The following TRIO variants were observed in gnomAD, a reference collection of about 807,000 sequenced individuals.
TRIO encodes the protein triple functional domain protein.
A neutral mutation model predicts 351.9 loss-of-function variants in TRIO; 58 were observed. The observed-to-expected ratio is 0.16, with a 90% CI of 0.13 to 0.21. The LOEUF is 0.21. Ranked by LOEUF, TRIO falls within the 10% of genes least tolerant of loss-of-function variation. The pLI is 1.00. For missense variants in TRIO, 3,201 were observed against 4,027.8 expected (o/e 0.79, Z 5.56); for synonymous variants, 1,758 against 1,595.7 (o/e 1.10, Z -2.42).
At position 14,461,139 on chromosome 5, in the gene TRIO, A is replaced by G. The variant is rs1387254331; in HGVS notation, c.5324A>G (p.Lys1775Arg). ...GPKRPGNTLR[K>R]WLTSPVRRLS... Reference sequence around the variant, plus strand: ...AAGCGGCCGGGCAACACCCTGCGCAAGTGGCTCACCAGCCCCGTGCGGCGG... The same window carrying G: ...AAGCGGCCGGGCAACACCCTGCGCAGGTGGCTCACCAGCCCCGTGCGGCGG... Residue 1775 changes from lysine (K) to arginine (R), a missense_variant, in exon 35 of 57, where the codon AAG (lysine) becomes AGG (arginine). Coordinates refer to ENST00000344204, the MANE Select transcript of TRIO (RefSeq NM_007118.4). 5.8e-6 allele frequency: 9 copies of G among 1,556,396 alleles called. No individual in the cohort carries two copies. The highest frequency in any genetic ancestry group is 7.0e-6 in the Non-Finnish European group (8 of 1,150,840).
intron 11 of TRIO, among the ~76,000 whole-genome samples, chr5:14,350,829 G>A (rs1031876609): frequency 1.3e-5 from 2 of 152,056 alleles, no homozygotes; most frequent in East Asian, 1.9e-4. Flanking sequence ...CCCAGGGACC[G>A]GTTTTGTGGA....
At chr5:14,326,412 C>G (rs533505824) in intron 9 of TRIO, among the ~76,000 whole-genome samples, 1 of 152,348 alleles carries the variant, frequency 6.6e-6, no homozygotes, top group East Asian at 1.9e-4. Context: ...GTAGCTGTTT[C>G]AAGTGTGCAC....
intron 34 of TRIO, among the ~76,000 whole-genome samples, chr5:14,426,121 C>T (rs1361212715): frequency 6.6e-6 from 1 of 152,134 alleles, no homozygotes; most frequent in East Asian, 1.9e-4. Flanking sequence ...ATAAATGTTA[C>T]CATACTCTCT....
At chr5:14,289,861 T>A (rs973075081) in intron 4 of TRIO, among the ~76,000 whole-genome samples, 23 of 151,902 alleles carry the variant, frequency 1.5e-4, no homozygotes, top group Middle Eastern at 3.4e-3. Context: ...AAAAAAATAA[T>A]AATAATAAAT....
intron 1 of TRIO, among the ~76,000 whole-genome samples, chr5:14,204,261 G>T (rs769401300): frequency 6.6e-6 from 1 of 152,120 alleles, no homozygotes; most frequent in Non-Finnish European, 1.5e-5. Context: ...TCTTTTTACC[G>T]CAGAGGTAAT....
chr5:14,372,130 C>G (rs1745164528), intron 18 of TRIO, among the ~76,000 whole-genome samples: 1 of 151,380 alleles, frequency 6.6e-6, no homozygotes, highest in Non-Finnish European at 1.5e-5. Context: ...GTAATTACAT[C>G]CTGTGGGGTC....
intron 1 of TRIO, among the ~76,000 whole-genome samples, chr5:14,248,080 A>AG (rs1794540622): frequency 1.3e-5 from 2 of 151,662 alleles, no homozygotes; most frequent in East Asian, 1.9e-4. Flanking sequence ...AAAAAAAAAA[A>AG]AGAAAATATA....
intron 56 of TRIO, 87 bp from the exon 57 acceptor site, chr5:14,507,793 T>TC (rs1297749697): frequency 1.3e-6 from 2 of 1,488,364 alleles, no homozygotes; most frequent in African/African-American, 2.8e-5. Context: ...CTAGATTCCT[T>TC]CCACCTCACC....
In TRIO at chr5:14,350,770, C is replaced by T. The variant is rs141543802; in HGVS notation, c.2047-7408C>T. On this transcript the variant is annotated intron_variant, in intron 11 of 56. Transcript: ENST00000344204. ...TGCCCTCTGTTCCTCCCCACCTCCA[C>T]CCCATACATCCTTCATAAATTTTCT... Among the ~76,000 whole-genome samples the T allele has an allele frequency of 9.8e-5, 15 of 152,292 alleles. No homozygotes were observed. In the East Asian group the frequency reaches 2.9e-3, roughly 29 times the overall value.
At chr5:14,347,484 A>G (rs1460030606) in intron 11 of TRIO, among the ~76,000 whole-genome samples, 1 of 152,268 alleles carries the variant, frequency 6.6e-6, no homozygotes, top group Non-Finnish European at 1.5e-5. Flanking sequence ...AACTGACTCC[A>G]CGTAACCTAT....
chr5:14,453,930 A>G (rs1191405976), intron 34 of TRIO, among the ~76,000 whole-genome samples: 1 of 152,072 alleles, frequency 6.6e-6, no homozygotes, highest in African/African-American at 2.4e-5. Context: ...TCTTTGCATA[A>G]TAGATGCATC....
intron 34 of TRIO, among the ~76,000 whole-genome samples, chr5:14,455,043 G>C (rs1396087057): frequency 6.6e-6 from 1 of 152,122 alleles, no homozygotes; most frequent in African/African-American, 2.4e-5. Context: ...GGTCTCGCTG[G>C]CCTCAGGAGT....
rs1329880960 is a variant in TRIO at position 14,492,493 on chromosome 5, C to T, written c.7633-74C>T. The stretch of plus-strand genomic sequence containing the variant: ...GTCATGGTGCCATGGGGCACACTGA[C>T]AAGGGATTTCATGTGATCAGGTCTC... On this transcript the variant is annotated intron_variant, in intron 48 of 56. Transcript: ENST00000344204. 1.7e-5 allele frequency: 27 copies of T among 1,571,944 alleles called. No individual in the cohort carries two copies. The Admixed American group carries it at 4.5e-4, about 26-fold the overall frequency.
chr5:14,223,338 C>T (rs759397884), intron 1 of TRIO, among the ~76,000 whole-genome samples: 17 of 152,216 alleles, frequency 1.1e-4, no homozygotes, highest in Non-Finnish European at 2.1e-4. Context: ...CAGAATCATT[C>T]GTTGGCACCC....
chr5:14,205,539 G>C (rs369076749), intron 1 of TRIO, among the ~76,000 whole-genome samples: 2 of 152,278 alleles, frequency 1.3e-5, no homozygotes, highest in East Asian at 1.9e-4. Flanking sequence ...TAGGAATTAT[G>C]CAGCTGTAGT....
At position 14,398,871 on chromosome 5, in the gene TRIO, A is replaced by C. The variant is rs1159493565; in HGVS notation, c.4424-9A>C. 6.3e-7 allele frequency: 1 copy of C among 1,583,788 alleles called. No individual in the cohort carries two copies. The highest frequency in any genetic ancestry group is 8.6e-7 in the Non-Finnish European group (1 of 1,167,602). ...TAAATTGATTTGCCTCCCTTTTTTC[A>C]TGTTGTAGGGTTTGATGAAAACATT... On this transcript the variant is annotated splice_polypyrimidine_tract_variant and intron_variant, in intron 29 of 56. Transcript: ENST00000344204.
At chr5:14,403,039 T>C (rs867676285) in intron 31 of TRIO, among the ~76,000 whole-genome samples, 2 of 132,298 alleles carry the variant, frequency 1.5e-5, no homozygotes, top group Non-Finnish European at 3.2e-5. Flanking sequence ...GTGGTGAAGG[T>C]GCAGGTTGTG....
rs965863183 is a variant in TRIO at position 14,379,231 on chromosome 5, G to A, written c.3447+1104G>A. On this transcript the variant is annotated intron_variant, in intron 20 of 56. Transcript: ENST00000344204. ...TGGTGTTGACCCACATTCTGACCAC[G>A]ACACGGACCCATTTTCTGAATCCAG... Among the ~76,000 whole-genome samples, 6 of 152,284 alleles carry A rather than the reference G, an allele frequency of 3.9e-5. No individual in the cohort carries two copies. In the Middle Eastern group the frequency reaches 0.01, roughly 259 times the overall value.
rs1011959294 is a variant in TRIO at position 14,490,792 on chromosome 5, A to G, written c.7633-1775A>G. 1.1e-5 allele frequency: 5 copies of G among 455,864 alleles called. No homozygotes were observed. The East Asian group carries it at 2.1e-4, about 19-fold the overall frequency. 28.2% of individuals were successfully genotyped at this position (455,864 alleles called of 1,614,324 possible). A position where few individuals can be genotyped will look rare whatever the true frequency, so the allele number is the denominator to read the frequency against. On this transcript the variant is annotated intron_variant, in intron 48 of 56. Coordinates refer to ENST00000344204, the MANE Select transcript of TRIO (RefSeq NM_007118.4). The stretch of plus-strand genomic sequence containing the variant: ...TCTAATTATGAGATTGTAGCCTGGT[A>G]TATTACCAAAAGCAGCTGTGCTGCA...
Sources: allele counts gnomAD v4.1 joint callset (sites outside exome capture counted in the v4.1 genomes callset), GRCh38; gene constraint gnomAD v4.1.1; transcripts MANE v1.5; gene names NCBI Gene and HGNC (gene_info 2026-07-23, HGNC 2026-07-21).